The following PTPRK variants were observed in gnomAD, a reference collection of about 807,000 sequenced individuals.
PTPRK encodes protein tyrosine phosphatase receptor type K.
PTPRK carries 75 observed loss-of-function variants against 178.0 expected under a neutral mutation model. The observed-to-expected ratio is 0.42, with a 90% CI of 0.35 to 0.51. PTPRK has a LOEUF of 0.51. Among genes scored for constraint, PTPRK ranks in the 20% least tolerant of loss-of-function variants. The pLI is 0.02. For missense variants in PTPRK, 1,441 were observed against 1,797.8 expected (o/e 0.80, Z 3.59); for synonymous variants, 637 against 620.6 (o/e 1.03, Z -0.39).
intron 7 of PTPRK, among the ~76,000 whole-genome samples, chr6:128,116,912 C>T (rs997969337): frequency 2.6e-5 from 4 of 152,042 alleles, no homozygotes; most frequent in South Asian, 2.1e-4. Flanking sequence ...TTTGGGAGGC[C>T]GAGGCGTGTG....
chr6:128,308,254 G>A (rs969785497), intron 3 of PTPRK, among the ~76,000 whole-genome samples: 8 of 151,818 alleles, frequency 5.3e-5, no homozygotes, highest in Non-Finnish European at 1.2e-4. Flanking sequence ...ACAAAATGAT[G>A]AACAAAAAAT....
At chr6:128,254,498 T>C (rs1227941872) in intron 3 of PTPRK, among the ~76,000 whole-genome samples, 1 of 152,168 alleles carries the variant, frequency 6.6e-6, no homozygotes, top group Non-Finnish European at 1.5e-5. Flanking sequence ...CAAATATGCA[T>C]ATCTATATTT....
chr6:128,264,625 A>G (rs1818673989), intron 3 of PTPRK, among the ~76,000 whole-genome samples: 2 of 152,098 alleles, frequency 1.3e-5, no homozygotes, highest in Non-Finnish European at 2.9e-5. Flanking sequence ...AATAACTGGG[A>G]CTACAGGCAT....
intron 7 of PTPRK, among the ~76,000 whole-genome samples, chr6:128,116,162 A>C (rs1791497728): frequency 6.6e-6 from 1 of 152,076 alleles, no homozygotes; most frequent in East Asian, 1.9e-4. Flanking sequence ...TTTTATTTAC[A>C]ATGTCAGTTA....
intron 11 of PTPRK, among the ~76,000 whole-genome samples, chr6:128,078,292 C>G (rs1052544374): frequency 6.6e-6 from 1 of 151,952 alleles, no homozygotes; most frequent in Admixed American, 6.6e-5. Context: ...AAATGAAAAA[C>G]TAACAAACCA....
intron 7 of PTPRK, among the ~76,000 whole-genome samples, chr6:128,132,150 T>C (rs1231166141): frequency 6.6e-6 from 1 of 152,162 alleles, no homozygotes; most frequent in East Asian, 1.9e-4. Context: ...GGTCAAATAG[T>C]TACAGGCTGT....
Position 128,218,910 on chromosome 6 carries a change from A to G in PTPRK, c.868+12T>C. 1 of 1,599,606 alleles carries G rather than the reference A, an allele frequency of 6.3e-7. No homozygotes were observed. Among genetic ancestry groups the G allele is most frequent in the Non-Finnish European group, 8.5e-7 (1 of 1,170,770 alleles). On this transcript the variant is annotated intron_variant, in intron 6 of 29. Coordinates refer to ENST00000368226, the MANE Select transcript of PTPRK (RefSeq NM_002844.4). The stretch of plus-strand genomic sequence containing the variant: ...CATGCAATTTCGTGAAGTGAAAACA[A>G]TTTCACCTTACCTCTCACAATAAGT...
At chr6:128,383,104 G>T (rs1379976688) in intron 2 of PTPRK, among the ~76,000 whole-genome samples, 1 of 152,112 alleles carries the variant, frequency 6.6e-6, no homozygotes, top group Non-Finnish European at 1.5e-5. Context: ...CCACTGCTAA[G>T]CTAAGAAGAG....
chr6:127,978,829 C>A (rs1332620505), intron 25 of PTPRK, among the ~76,000 whole-genome samples: 3 of 152,112 alleles, frequency 2.0e-5, no homozygotes, highest in African/African-American at 7.2e-5. Context: ...GCCCTAGCTC[C>A]TAATCCCTCA....
At chr6:128,202,629 T>G (rs898658438) in intron 6 of PTPRK, among the ~76,000 whole-genome samples, 4 of 152,196 alleles carry the variant, frequency 2.6e-5, no homozygotes, top group Admixed American at 2.6e-4. Flanking sequence ...ACAGGCTCCG[T>G]CCACCTAAGA....
At chr6:128,021,199 C>T (rs1160958620) in intron 13 of PTPRK, among the ~76,000 whole-genome samples, 3 of 152,174 alleles carry the variant, frequency 2.0e-5, no homozygotes, top group African/African-American at 7.2e-5. Flanking sequence ...CTAATAACTA[C>T]ATTTCACAAT....
At position 128,151,859 on chromosome 6, in the gene PTPRK, T is replaced by G. The variant is rs558323902; in HGVS notation, c.1162+32573A>C. Among the ~76,000 whole-genome samples the G allele has an allele frequency of 7.9e-5, 12 of 151,786 alleles. No individual in the cohort carries two copies. In the South Asian group the frequency reaches 2.5e-3, roughly 31 times the overall value. On this transcript the variant is annotated intron_variant, in intron 7 of 29. Coordinates refer to ENST00000368226, the MANE Select transcript of PTPRK (RefSeq NM_002844.4). ...GGCAATTCTTTGAAACTTTCACTAA[T>G]GAAGAAAAAATAAAATAGAGTATAA...
Position 128,510,996 on chromosome 6 carries a change from T to C in PTPRK, c.100+9263A>G, listed in dbSNP as rs191528783. The stretch of plus-strand genomic sequence containing the variant: ...CAACTTACGTCAAATGAAGGGGTCA[T>C]TAATTTCTAAGATCTTTTTTAACAC... On this transcript the variant is annotated intron_variant, in intron 1 of 29. Transcript: ENST00000368226. Among the ~76,000 whole-genome samples the C allele has an allele frequency of 3.1e-3, 474 of 152,280 alleles. 5 individuals are homozygous for C. The highest frequency in any genetic ancestry group is 0.011 in the African/African-American group (447 of 41,552).
At chr6:128,005,947 A>T in intron 14 of PTPRK, 1 of 1,125,814 alleles carries the variant, frequency 8.9e-7, no homozygotes, top group Non-Finnish European at 1.2e-6. Flanking sequence ...CAAAATTGCA[A>T]GCATTCTGTT....
At chr6:128,330,464 G>C (rs1830120235) in intron 2 of PTPRK, among the ~76,000 whole-genome samples, 1 of 151,886 alleles carries the variant, frequency 6.6e-6, no homozygotes, top group Non-Finnish European at 1.5e-5. Flanking sequence ...GAATCAGTTT[G>C]ATTTTTCCCC....
At chr6:128,202,328 G>T (rs1806113527) in intron 6 of PTPRK, among the ~76,000 whole-genome samples, 1 of 152,164 alleles carries the variant, frequency 6.6e-6, no homozygotes, top group South Asian at 2.1e-4. Flanking sequence ...GTAAATATTT[G>T]CAACCTGCAG....
chr6:128,204,209 C>T (rs988574830), intron 6 of PTPRK, among the ~76,000 whole-genome samples: 22 of 152,136 alleles, frequency 1.4e-4, no homozygotes, highest in Non-Finnish European at 3.1e-4. Context: ...GCTGGGAGAA[C>T]TGGCTAGCCA....
intron 1 of PTPRK, among the ~76,000 whole-genome samples, chr6:128,513,952 CAAGGAACTGTTGCCAGTCTGTCACTT>C (rs979292473): frequency 2.0e-5 from 3 of 152,138 alleles, no homozygotes; most frequent in Non-Finnish European, 4.4e-5. Flanking sequence ...AAAATCACAT[CAAGGAACTGTTGCCAGTCTGTCACTT>C]AAGCAGCTGC....
intron 7 of PTPRK, among the ~76,000 whole-genome samples, chr6:128,125,158 T>C (rs1391949442): frequency 6.6e-6 from 1 of 152,262 alleles, no homozygotes. Context: ...AAATGTCATG[T>C]AATTCTTCAG....
Sources: allele counts gnomAD v4.1 joint callset (sites outside exome capture counted in the v4.1 genomes callset), GRCh38; gene constraint gnomAD v4.1.1; transcripts MANE v1.5; gene names NCBI Gene and HGNC (gene_info 2026-07-23, HGNC 2026-07-21).